The following P2RY11 variants were observed in gnomAD, a reference collection of about 807,000 sequenced individuals.
P2RY11 encodes purinergic receptor P2Y11, also known as P2Y purinoceptor 11.
A neutral mutation model predicts 2.4 loss-of-function variants in P2RY11; 3 were observed. That is an observed-to-expected ratio of 1.22 (90% CI 0.56 to 3.17). The LOEUF is 3.17. P2RY11 is among the 30% of genes most tolerant of loss of function. P2RY11 has a pLI of 0.03. For missense variants in P2RY11, 670 were observed against 528.2 expected, an observed-to-expected ratio of 1.27 and a Z score of -2.63; for synonymous variants, 307 against 237.3, an observed-to-expected ratio of 1.29 and a Z score of -2.70.
chr19:10,114,582 C>A lies in P2RY11; in HGVS notation c.969C>A (p.Ala323=). 1 of 1,613,854 alleles carries A rather than the reference C, an allele frequency of 6.2e-7. No homozygotes were observed. The highest frequency in any genetic ancestry group is 8.5e-7 in the Non-Finnish European group (1 of 1,179,964). Residue 323 remains alanine, a synonymous_variant, in exon 2 of 2, where the codon GCC becomes GCA. Coordinates refer to ENST00000321826, the MANE Select transcript of P2RY11 (RefSeq NM_002566.5). ...AFCVHPLLYM[A]AVPSLGCCCR... is the part of the protein sequence containing the mutation. Reference sequence around the variant, plus strand: ...GTGTCCACCCTCTACTCTACATGGCCGCAGTGCCCAGCCTGGGCTGCTGCT... The same window carrying A: ...GTGTCCACCCTCTACTCTACATGGCAGCAGTGCCCAGCCTGGGCTGCTGCT...
In P2RY11 at chr19:10,115,057, T is replaced by A; in HGVS notation, c.*319T>A. The A allele has an allele frequency of 6.2e-7, 1 of 1,612,120 alleles. No individual in the cohort carries two copies. Among genetic ancestry groups the A allele is most frequent in the Non-Finnish European group, 8.5e-7 (1 of 1,179,184 alleles). On this transcript the variant is annotated 3_prime_UTR_variant, in exon 2 of 2. Coordinates refer to ENST00000321826, the MANE Select transcript of P2RY11 (RefSeq NM_002566.5). ...TTTATTGCCCTTGGAGCCCGCGCTC[T>A]CGGAGGCTGTCTTCTGTCGCCAAGG...
At position 10,115,182 on chromosome 19, in the gene P2RY11, C is replaced by G; in HGVS notation, c.*444C>G. ...AGACTTCTGGGGGCACCCCAAGACC[C>G]CAGACACCCAAGTGGCATCTTGGGG... On this transcript the variant is annotated 3_prime_UTR_variant, in exon 2 of 2. Transcript: ENST00000321826. The G allele has an allele frequency of 6.2e-7, 1 of 1,606,780 alleles. No homozygotes were observed. Among genetic ancestry groups the G allele is most frequent in the African/African-American group, 1.3e-5 (1 of 74,872 alleles).
In P2RY11 at chr19:10,114,672, C is replaced by G; in HGVS notation, c.1059C>G (p.Ala353=). 6.2e-7 allele frequency: 1 copy of G among 1,613,916 alleles called. No individual in the cohort carries two copies. Among genetic ancestry groups the G allele is most frequent in the Non-Finnish European group, 8.5e-7 (1 of 1,179,880 alleles). The part of the protein sequence containing the change: ...NPEDAKSTGQ[A]LPLNATAAPK... ...AGGACGCCAAGAGCACTGGCCAAGC[C>G]CTGCCCCTCAATGCCACAGCCGCCC... The change falls in exon 2 of 2, where the codon GCC becomes GCG. Residue 353 remains alanine, a synonymous_variant. Coordinates refer to ENST00000321826, the MANE Select transcript of P2RY11 (RefSeq NM_002566.5).
chr19:10,112,731 T>C (rs1187655207), intron 1 of P2RY11, among the ~76,000 whole-genome samples: 1 of 152,036 alleles, frequency 6.6e-6, no homozygotes, highest in Non-Finnish European at 1.5e-5. Context: ...AGGTCAGGAA[T>C]TCGAGACCTC....
At position 10,113,955 on chromosome 19, in the gene P2RY11, G is replaced by A. The variant is rs773796338; in HGVS notation, c.342G>A (p.Leu114=). 30 of 1,601,978 alleles carry A rather than the reference G, an allele frequency of 1.9e-5. No individual in the cohort carries two copies. The highest frequency in any genetic ancestry group is 3.4e-6 in the Non-Finnish European group (4 of 1,179,858). ...GCTTCCTCTTCACCTGCAACCTGCTGGGCAGCGTCATCTTCATCACCTGCA... is the reference window on the plus strand; with the variant it reads ...GCTTCCTCTTCACCTGCAACCTGCTAGGCAGCGTCATCTTCATCACCTGCA... ...LERFLFTCNL[L]GSVIFITCIS... is the part of the protein sequence containing the mutation. The change falls in exon 2 of 2, where the codon CTG becomes CTA. Residue 114 remains leucine, a synonymous_variant. Transcript: ENST00000321826.
At chr19:10,113,224 C>T (rs2089154543) in intron 1 of P2RY11, among the ~76,000 whole-genome samples, 1 of 152,122 alleles carries the variant, frequency 6.6e-6, no homozygotes, top group African/African-American at 2.4e-5. Context: ...CTTTGGGCGG[C>T]GGCGGGTGCC....
Position 10,114,447 on chromosome 19 carries a change from G to A in P2RY11, c.834G>A (p.Trp278Ter), listed in dbSNP as rs538192992. The A allele has an allele frequency of 4.2e-5, 67 of 1,611,642 alleles. 1 individual carries two copies. In the South Asian group the frequency reaches 7.0e-4, roughly 17 times the overall value. ...TCAACGTGGATGCTCGGCGGCGCTG[G>A]AGCACCCGCTGCCCGAGCTTTGCAG... ...RVLNVDARRR[W>*]STRCPSFADI... Residue 278 changes from tryptophan to a stop codon, truncating the protein, a stop_gained, in exon 2 of 2, where the codon TGG becomes TGA. Transcript: ENST00000321826. LOFTEE classifies it low-confidence loss of function (END_TRUNC).
rs1568493560 is a variant in P2RY11, at chr19:10,115,096, TACACAGTGGC to T, written c.*360_*369del. ...CTGTCGCCAAGGGTCCCGGACCGAGTACACAGTGGCAGCTGGCTTAGTTGGTGGACGGCCT... is the reference window on the plus strand; with the variant it reads ...CTGTCGCCAAGGGTCCCGGACCGAGTAGCTGGCTTAGTTGGTGGACGGCCT... On this transcript the variant is annotated 3_prime_UTR_variant, in exon 2 of 2. Transcript: ENST00000321826. 6.2e-7 allele frequency: 1 copy of T among 1,613,792 alleles called. No individual in the cohort carries two copies. The highest frequency in any genetic ancestry group is 1.1e-5 in the South Asian group (1 of 90,990).
chr19:10,113,412 G>T (rs1366518465), intron 1 of P2RY11, among the ~76,000 whole-genome samples: 1 of 152,150 alleles, frequency 6.6e-6, no homozygotes, highest in Non-Finnish European at 1.5e-5. Flanking sequence ...TGAGCTCCAA[G>T]ACTGCCTGGC....
intron 1 of P2RY11, among the ~76,000 whole-genome samples, chr19:10,112,943 A>G (rs1350752365): frequency 1.3e-5 from 2 of 149,798 alleles, no homozygotes; most frequent in East Asian, 3.9e-4. Flanking sequence ...ACTCTGTCTC[A>G]AAAAAAAAAG....
chr19:10,114,151 T>C lies in P2RY11; in HGVS notation c.538T>C (p.Cys180Arg). Residue 180 changes from cysteine to arginine, a missense_variant, in exon 2 of 2, where the codon TGC (cysteine) becomes CGC (arginine). Physicochemically the swap from Cys to Arg is radical, Grantham distance 180 (BLOSUM62 -3). Coordinates refer to ENST00000321826, the MANE Select transcript of P2RY11 (RefSeq NM_002566.5). ...LKRPQQGAGNCSVARPEACIK... is the reference protein window; with the variant it reads ...LKRPQQGAGNRSVARPEACIK... ...GAGGCCGCAGCAGGGGGCGGGCAACTGCAGCGTGGCCAGGCCCGAGGCCTG... is the reference window on the plus strand; with the variant it reads ...GAGGCCGCAGCAGGGGGCGGGCAACCGCAGCGTGGCCAGGCCCGAGGCCTG... 1 of 1,601,168 alleles carries C rather than the reference T, an allele frequency of 6.2e-7. No homozygotes were observed. Among genetic ancestry groups the C allele is most frequent in the Non-Finnish European group, 8.5e-7 (1 of 1,179,596 alleles).
Position 10,114,656 on chromosome 19 carries a change from A to G in P2RY11, c.1043A>G (p.Lys348Arg). 1.9e-6 allele frequency: 3 copies of G among 1,614,046 alleles called. No homozygotes were observed. Among genetic ancestry groups the G allele is most frequent in the Non-Finnish European group, 2.5e-6 (3 of 1,179,990 alleles). ...GACAGCTGGAACCCAGAGGACGCCA[A>G]GAGCACTGGCCAAGCCCTGCCCCTC... is the stretch of plus-strand genomic sequence containing the variant. ...YRDSWNPEDA[K>R]STGQALPLNA... The change falls in exon 2 of 2, where the codon AAG (lysine) becomes AGG (arginine). Residue 348 changes from lysine (K) to arginine (R), a missense_variant. Lys to Arg is a conservative substitution (Grantham distance 26). Transcript: ENST00000321826.
chr19:10,112,179 G>T, intron 1 of P2RY11: 1 of 181,370 alleles, frequency 5.5e-6, no homozygotes. Flanking sequence ...TCGGGAGGCT[G>T]AGGCAGGGGG....
Position 10,114,461 on chromosome 19 carries a change from C to A in P2RY11, c.848C>A (p.Pro283Gln). ...CGGCGGCGCTGGAGCACCCGCTGCCCGAGCTTTGCAGACATAGCCCAGGCC... is the reference window on the plus strand; with the variant it reads ...CGGCGGCGCTGGAGCACCCGCTGCCAGAGCTTTGCAGACATAGCCCAGGCC... ...DARRRWSTRCPSFADIAQATA... is the reference protein window; with the variant it reads ...DARRRWSTRCQSFADIAQATA... Residue 283 changes from proline to glutamine, a missense_variant, in exon 2 of 2, where the codon CCG becomes CAG. Pro to Gln is a moderately conservative substitution (Grantham distance 76). Coordinates refer to ENST00000321826, the MANE Select transcript of P2RY11 (RefSeq NM_002566.5). 1 of 1,612,080 alleles carries A rather than the reference C, an allele frequency of 6.2e-7. No individual in the cohort carries two copies. The highest frequency in any genetic ancestry group is 8.5e-7 in the Non-Finnish European group (1 of 1,179,808).
chr19:10,112,409 T>C (rs959937693), intron 1 of P2RY11: 6 of 152,862 alleles, frequency 3.9e-5, no homozygotes, highest in African/African-American at 1.4e-4. Context: ...AGTGCCCCTG[T>C]GCTGCTGTGC....
chr19:10,114,231 C>T lies in P2RY11; in HGVS notation c.618C>T (p.Ser206=), dbSNP rs751226798. Reference sequence around the variant, plus strand: ...GGCTGGCGGCCTACAGAGCGTATAGCCTGGTGCTGGCGGGGTTGGGCTGCG... The same window carrying T: ...GGCTGGCGGCCTACAGAGCGTATAGTCTGGTGCTGGCGGGGTTGGGCTGCG... ...DHGLAAYRAY[S]LVLAGLGCGL... Residue 206 remains serine (S), a synonymous_variant, in exon 2 of 2, where the codon AGC becomes AGT. Transcript: ENST00000321826. 3.8e-6 allele frequency: 6 copies of T among 1,599,644 alleles called. No homozygotes were observed. The highest frequency in any genetic ancestry group is 2.2e-5 in the East Asian group (1 of 44,850).
rs2089213623 is a variant in P2RY11 at position 10,115,012 on chromosome 19, A to G, written c.*274A>G. ...GGAGACGCAAGAACAAAAAGAACCAAGTAGAGAGAGTGGAGCTGCTTTATT... is the reference window on the plus strand; with the variant it reads ...GGAGACGCAAGAACAAAAAGAACCAGGTAGAGAGAGTGGAGCTGCTTTATT... On this transcript the variant is annotated 3_prime_UTR_variant, in exon 2 of 2. Transcript: ENST00000321826. The G allele has an allele frequency of 1.5e-5, 24 of 1,555,348 alleles. No homozygotes were observed. In the East Asian group the frequency reaches 5.0e-4, roughly 32 times the overall value.
At position 10,113,675 on chromosome 19, in the gene P2RY11, A is replaced by AGTT; in HGVS notation, c.62_63insGTT (p.Asp21delinsGluPhe). 4 of 1,612,744 alleles carry AGTT rather than the reference A, an allele frequency of 2.5e-6. No homozygotes were observed. Among genetic ancestry groups the AGTT allele is most frequent in the East Asian group, 2.2e-5 (1 of 44,830 alleles). On this transcript the variant is annotated protein_altering_variant, in exon 2 of 2. Coordinates refer to ENST00000321826, the MANE Select transcript of P2RY11 (RefSeq NM_002566.5). ...GCCAACTTCTTGGCAGCTGCCGACG[A>AGTT]CAAACTCAGTGGGTTCCAGGGGGAC...
rs1429345202 is a variant in P2RY11 at position 10,114,826 on chromosome 19, C to A, written c.*88C>A. ...CCGAGCCCCGACACATCCCTTCCCC[C>A]AAAAAGCAACACCTGTGCTTGCAGC... On this transcript the variant is annotated 3_prime_UTR_variant, in exon 2 of 2. Coordinates refer to ENST00000321826, the MANE Select transcript of P2RY11 (RefSeq NM_002566.5). 3 of 1,513,468 alleles carry A rather than the reference C, an allele frequency of 2.0e-6. No homozygotes were observed. Among genetic ancestry groups the A allele is most frequent in the Non-Finnish European group, 8.8e-7 (1 of 1,134,254 alleles). The allele number at this position is 1,513,468 out of a possible 1,614,324, so 93.8% of individuals were successfully genotyped here.
Sources: gnomAD v4.1 joint callset for allele counts (sites outside exome capture counted in the v4.1 genomes callset) on GRCh38, gnomAD v4.1.1 for gene constraint, MANE v1.5 for transcripts, NCBI Gene and HGNC (gene_info 2026-07-23, HGNC 2026-07-21) for gene names.